The following TEX36 variants were observed in gnomAD, a reference collection of about 807,000 sequenced individuals.
The protein encoded by TEX36 is testis expressed 36, also known as testis-expressed protein 36.
In TEX36, 12 loss-of-function variants were observed where a neutral mutation model predicts 13.6. The ratio of observed to expected loss-of-function variants is 0.88; its 90% confidence interval spans 0.56 to 1.43. TEX36 has a LOEUF of 1.43. Ranked by LOEUF, TEX36 falls within the 40% of genes most tolerant of loss-of-function variation. TEX36 has a pLI of 0.00. For synonymous variants in TEX36, 93 were observed against 83.0 expected, an observed-to-expected ratio of 1.12 and a Z score of -0.65; for missense variants, 224 against 228.3, an observed-to-expected ratio of 0.98 and a Z score of 0.12.
chr10:125,637,455 G>A (rs1039599988), intron 3 of TEX36, among the ~76,000 whole-genome samples: 21 of 152,076 alleles, frequency 1.4e-4, no homozygotes, highest in Admixed American at 2.0e-4. Flanking sequence ...TTGTATGTAT[G>A]TACCACATTT....
At chr10:125,627,155 T>A (rs976764981) in intron 3 of TEX36, among the ~76,000 whole-genome samples, 1 of 152,234 alleles carries the variant, frequency 6.6e-6, no homozygotes, top group Non-Finnish European at 1.5e-5. Flanking sequence ...ATTTTTTAAA[T>A]ACATGTAAGT....
At chr10:125,629,606 C>T (rs1846527938) in intron 3 of TEX36, among the ~76,000 whole-genome samples, 2 of 151,976 alleles carry the variant, frequency 1.3e-5, no homozygotes, top group South Asian at 2.1e-4. Context: ...AATAGCAGCT[C>T]TATTTTTCTT....
chr10:125,624,275 C>T (rs774918617), intron 3 of TEX36, among the ~76,000 whole-genome samples: 8 of 152,172 alleles, frequency 5.3e-5, no homozygotes, highest in Non-Finnish European at 1.0e-4. Context: ...TGAGAGACAC[C>T]GATGCTCATG....
intron 3 of TEX36, among the ~76,000 whole-genome samples, chr10:125,578,783 C>T (rs528079380): frequency 3.5e-4 from 53 of 152,296 alleles, no homozygotes; most frequent in African/African-American, 1.2e-3. Flanking sequence ...GTGAGAGCAA[C>T]CTCTCAAAAA....
intron 3 of TEX36, among the ~76,000 whole-genome samples, chr10:125,586,315 G>A (rs568702385): frequency 1.3e-5 from 2 of 151,928 alleles, no homozygotes; most frequent in Non-Finnish European, 2.9e-5. Flanking sequence ...AAAATCATTG[G>A]GTCAAAGGTA....
chr10:125,666,826 A>G, intron 1 of TEX36: 1 of 298,928 alleles, frequency 3.3e-6, no homozygotes, highest in Non-Finnish European at 6.5e-6. Flanking sequence ...TCTTCAAGAG[A>G]GTAGGGGCGG....
At chr10:125,642,632 A>G (rs990077263) in intron 3 of TEX36, among the ~76,000 whole-genome samples, 6 of 152,194 alleles carry the variant, frequency 3.9e-5, no homozygotes, top group Admixed American at 1.3e-4. Flanking sequence ...GATATTAAAT[A>G]ATATTGACTT....
intron 3 of TEX36, 110 bp from the exon 4 acceptor site, chr10:125,656,306 G>C (rs1476323260): frequency 1.6e-5 from 17 of 1,036,312 alleles, no homozygotes; most frequent in South Asian, 2.2e-5. Context: ...ACCCAGGCCA[G>C]AGTTCAGTGG....
intron 3 of TEX36, among the ~76,000 whole-genome samples, chr10:125,605,950 C>T (rs2133547184): frequency 6.6e-6 from 1 of 152,302 alleles, no homozygotes; most frequent in African/African-American, 2.4e-5. Context: ...ATTCACCTTT[C>T]ATCTTATTTA....
intron 3 of TEX36, among the ~76,000 whole-genome samples, chr10:125,606,968 G>A (rs185513317): frequency 7.9e-5 from 12 of 152,236 alleles, no homozygotes; most frequent in Admixed American, 7.8e-4. Flanking sequence ...GCGCCCAACT[G>A]GATGCGAACT....
intron 1 of TEX36, among the ~76,000 whole-genome samples, chr10:125,682,020 T>G (rs1418963636): frequency 6.6e-6 from 1 of 152,242 alleles, no homozygotes; most frequent in Non-Finnish European, 1.5e-5. Context: ...TTTTAACAAT[T>G]TTTTACCTGT....
downstream of TEX36, among the ~76,000 whole-genome samples, chr10:125,617,501 G>C (rs1476027293): frequency 1.3e-5 from 2 of 152,120 alleles, no homozygotes; most frequent in East Asian, 3.8e-4. Flanking sequence ...AAATCTCTCA[G>C]CATTTGCTTG....
intron 3 of TEX36, among the ~76,000 whole-genome samples, chr10:125,624,221 C>A (rs1378780365): frequency 6.6e-6 from 1 of 152,186 alleles, no homozygotes; most frequent in Non-Finnish European, 1.5e-5. Context: ...CTCCCAAGAC[C>A]TCCCTGCCAT....
intron 3 of TEX36, among the ~76,000 whole-genome samples, chr10:125,591,730 A>G (rs1488743772): frequency 3.3e-5 from 5 of 152,232 alleles, no homozygotes; most frequent in African/African-American, 1.2e-4. Flanking sequence ...AAGCTGCCAC[A>G]TTAAAGGAAA....
chr10:125,576,970 T>G (rs1250508755), intron 3 of TEX36: 1 of 1,474,640 alleles, frequency 6.8e-7, no homozygotes, highest in Non-Finnish European at 9.1e-7. Context: ...TTATTCTCCC[T>G]GCCCAAGCTT....
At chr10:125,639,662 A>C (rs1408280032) in intron 3 of TEX36, among the ~76,000 whole-genome samples, 1 of 152,220 alleles carries the variant, frequency 6.6e-6, no homozygotes, top group Non-Finnish European at 1.5e-5. Context: ...AATGAGCTGT[A>C]AAACAACCCA....
chr10:125,630,472 A>G (rs912829645), intron 3 of TEX36, among the ~76,000 whole-genome samples: 5 of 152,066 alleles, frequency 3.3e-5, no homozygotes, highest in African/African-American at 9.7e-5. Context: ...TGTTGCAAGG[A>G]TGAATGTTCT....
At chr10:125,681,935 G>A (rs1847401264) in intron 1 of TEX36, among the ~76,000 whole-genome samples, 1 of 152,200 alleles carries the variant, frequency 6.6e-6, no homozygotes, top group Non-Finnish European at 1.5e-5. Flanking sequence ...ATCCAAGTGG[G>A]TAGATCAGTT....
chr10:125,603,400 T>A (rs1424700438), intron 3 of TEX36, among the ~76,000 whole-genome samples: 1 of 152,028 alleles, frequency 6.6e-6, no homozygotes, highest in Non-Finnish European at 1.5e-5. Context: ...CACCTCTTAG[T>A]GGTCCCCCAT....
Sources: allele counts gnomAD v4.1 joint callset (sites outside exome capture counted in the v4.1 genomes callset), GRCh38; gene constraint gnomAD v4.1.1; transcripts MANE v1.5; gene names NCBI Gene and HGNC (gene_info 2026-07-23, HGNC 2026-07-21).